PASD1: variants seen among roughly 807,000 people sequenced by gnomAD.
PASD1 encodes the protein circadian clock protein PASD1.
PASD1 carries 13 observed loss-of-function variants against 58.8 expected under a neutral mutation model. The observed-to-expected ratio is 0.22, with a 90% CI of 0.14 to 0.35. The LOEUF is 0.35. PASD1 is among the 10% of genes least tolerant of loss of function. PASD1 has a pLI of 1.00. For missense variants in PASD1, 734 were observed against 568.3 expected (o/e 1.29, Z -2.96); for synonymous variants, 236 against 216.7 (o/e 1.09, Z -0.78).
intron 4 of PASD1, among the ~76,000 whole-genome samples, chrX:151,615,804 C>A: frequency 8.9e-6 from 1 of 112,370 alleles, no homozygotes. Context: ...TTGTTTCTCT[C>A]TAACTGCCTG....
chrX:151,567,093 TA>T (rs1360619758), intron 1 of PASD1, among the ~76,000 whole-genome samples: 9 of 95,676 alleles, frequency 9.4e-5, no homozygotes, highest in Non-Finnish European at 1.9e-4. Flanking sequence ...AATAAATAAA[TA>T]AAATAAAATA....
At chrX:151,650,346 C>T (rs1403441954) in intron 9 of PASD1, among the ~76,000 whole-genome samples, 1 of 109,461 alleles carries the variant, frequency 9.1e-6, no homozygotes, top group Non-Finnish European at 1.9e-5. Context: ...ATATATAATG[C>T]CTAAGTAATT....
intron 4 of PASD1, among the ~76,000 whole-genome samples, 153 bp from the exon 5 acceptor site, chrX:151,620,777 G>A (rs778876574): frequency 8.1e-5 from 9 of 110,686 alleles, no homozygotes; most frequent in African/African-American, 2.6e-4. Context: ...GGTACAACAG[G>A]TATAACTGTA....
chrX:151,564,990 C>A (rs1229873485), intron 1 of PASD1, among the ~76,000 whole-genome samples: 1 of 112,012 alleles, frequency 8.9e-6, no homozygotes, highest in East Asian at 2.8e-4. Flanking sequence ...ATTAATCTAC[C>A]CTGGATTATG....
intron 2 of PASD1, among the ~76,000 whole-genome samples, chrX:151,602,787 C>G (rs1386130710): frequency 1.8e-5 from 2 of 111,397 alleles, no homozygotes; most frequent in African/African-American, 6.5e-5. Flanking sequence ...TACCATATAC[C>G]CTACATGATC....
At chrX:151,622,479 A>C (rs2013725377) in intron 6 of PASD1, among the ~76,000 whole-genome samples, 1 of 110,825 alleles carries the variant, frequency 9.0e-6, no homozygotes, top group African/African-American at 3.3e-5. Context: ...ATAAATAAAT[A>C]AATGAAATTA....
chrX:151,611,937 T>C (rs112711752), intron 4 of PASD1, among the ~76,000 whole-genome samples, 184 bp downstream of exon 4: 3,459 of 106,197 alleles, frequency 0.033, 111 homozygotes, highest in African/African-American at 0.09. Flanking sequence ...CATTTAATAT[T>C]AGGTGTATCT....
intron 9 of PASD1, among the ~76,000 whole-genome samples, chrX:151,651,370 A>G (rs763175209): frequency 9.8e-5 from 11 of 112,194 alleles, no homozygotes; most frequent in Middle Eastern, 4.6e-3. Context: ...GTTTGGCAGA[A>G]TTGCAGCTTG....
intron 10 of PASD1, among the ~76,000 whole-genome samples, chrX:151,662,428 C>T (rs766648692): frequency 9.0e-6 from 1 of 110,841 alleles, no homozygotes; most frequent in African/African-American, 3.3e-5. Flanking sequence ...TTTAAATCAA[C>T]CCCTTCTTTA....
chrX:151,634,737 C>T (rs1453284990), intron 8 of PASD1, among the ~76,000 whole-genome samples: 3 of 111,438 alleles, frequency 2.7e-5, no homozygotes, highest in East Asian at 2.8e-4. Flanking sequence ...ATTCTCAGTA[C>T]GACATATCAA....
chrX:151,644,285 A>G lies in PASD1; in HGVS notation c.630-4330A>G, dbSNP rs773183241. Among the ~76,000 whole-genome samples the G allele has an allele frequency of 3.6e-5, 4 of 112,370 alleles. No homozygotes were observed. In the South Asian group the frequency reaches 1.5e-3, roughly 42 times the overall value. Reference sequence around the variant, plus strand: ...TTGTACATTGATTCAGAAGATATTTACAAGTGTACATTGTATGCAGAGCCC... The same window carrying G: ...TTGTACATTGATTCAGAAGATATTTGCAAGTGTACATTGTATGCAGAGCCC... On this transcript the variant is annotated intron_variant, in intron 8 of 15. Coordinates refer to ENST00000370357, the MANE Select transcript of PASD1 (RefSeq NM_173493.3).
chrX:151,618,641 A>G (rs2013667886), intron 4 of PASD1, among the ~76,000 whole-genome samples: 1 of 112,280 alleles, frequency 8.9e-6, no homozygotes, highest in Non-Finnish European at 1.9e-5. Flanking sequence ...CAAAAAAGGC[A>G]ATAAGAGAAT....
intron 7 of PASD1, among the ~76,000 whole-genome samples, chrX:151,623,496 A>G (rs2013744425): frequency 8.9e-6 from 1 of 111,819 alleles, no homozygotes; most frequent in Non-Finnish European, 1.9e-5. Context: ...GCATTCACAA[A>G]TTCTAGCTCT....
rs1256565605 is a variant in PASD1, at chrX:151,653,196, A to AT, written c.717+4507dup. ...TGTGTGTGTGTATATATATATATAT[A>AT]TTTTTTTTTTTTTGAGATAAAGTTT... On this transcript the variant is annotated intron_variant, in intron 9 of 15. Coordinates refer to ENST00000370357, the MANE Select transcript of PASD1 (RefSeq NM_173493.3). Among the ~76,000 whole-genome samples the AT allele has an allele frequency of 7.4e-3, 623 of 84,675 alleles. 4 individuals are homozygous for AT. Among genetic ancestry groups the AT allele is most frequent in the South Asian group, 0.014 (23 of 1,683 alleles). The allele number at this position is 84,675 out of a possible 115,157, so 73.5% of individuals were successfully genotyped here.
intron 1 of PASD1, among the ~76,000 whole-genome samples, chrX:151,596,005 T>A (rs1416672010): frequency 1.8e-5 from 2 of 111,759 alleles, no homozygotes; most frequent in African/African-American, 6.5e-5. Flanking sequence ...AGGCATGTGC[T>A]ACCTGCTTTC....
At chrX:151,625,645 G>T in intron 8 of PASD1, 115 bp downstream of exon 8, 1 of 616,713 alleles carries the variant, frequency 1.6e-6, no homozygotes, top group Non-Finnish European at 2.5e-6. Context: ...AAATGAAAAT[G>T]AAAAAAGAAA....
At chrX:151,662,057 T>A (rs1479267867) in intron 10 of PASD1, among the ~76,000 whole-genome samples, 1 of 112,713 alleles carries the variant, frequency 8.9e-6, no homozygotes, top group Non-Finnish European at 1.9e-5. Flanking sequence ...TAATGTTTTC[T>A]GTTTCTCCTT....
At chrX:151,653,751 C>CTTCTTTCTTTCTTTCTTTCTTTCTTTCT (rs1246137820) in intron 9 of PASD1, among the ~76,000 whole-genome samples, 1 of 16,955 alleles carries the variant, frequency 5.9e-5, no homozygotes, top group Non-Finnish European at 1.8e-4. Context: ...TCTTTCCTTC[C>CTTCTTTCTTTCTTTCTTTCTTTCTTTCT]TTCTTTCTTT....
chrX:151,608,901 A>T (rs1248296801), intron 3 of PASD1, among the ~76,000 whole-genome samples: 1 of 111,425 alleles, frequency 9.0e-6, no homozygotes, highest in Non-Finnish European at 1.9e-5. Flanking sequence ...TTCTGTAATG[A>T]TATCCACTTT....
Sources: gnomAD v4.1 joint callset for allele counts (sites outside exome capture counted in the v4.1 genomes callset) on GRCh38, gnomAD v4.1.1 for gene constraint, MANE v1.5 for transcripts, NCBI Gene and HGNC (gene_info 2026-07-23, HGNC 2026-07-21) for gene names.